The following HYLS1 variants were observed in gnomAD, a reference collection of about 807,000 sequenced individuals.
HYLS1 encodes the protein centriolar and ciliogenesis-associated protein HYLS1.
HYLS1 carries 25 observed loss-of-function variants against 29.4 expected under a neutral mutation model. The ratio of observed to expected loss-of-function variants is 0.85; its 90% CI spans 0.62 to 1.19. The LOEUF is 1.19. Ranked by LOEUF, HYLS1 falls within the 50% of genes most tolerant of loss-of-function variation. HYLS1 has a pLI of 0.00. For missense variants in HYLS1, 352 were observed against 365.1 expected (o/e 0.96, Z 0.29); for synonymous variants, 128 against 126.7 (o/e 1.01, Z -0.07).
At chr11:125,885,138 A>G (rs1944283795), upstream of HYLS1, among the ~76,000 whole-genome samples, 1 of 152,194 alleles carries the variant, frequency 6.6e-6, no homozygotes, top group Non-Finnish European at 1.5e-5. Flanking sequence ...AAAGATCAAA[A>G]TTTAATAAAA....
Position 125,900,448 on chromosome 11 carries a change from C to T in HYLS1, c.*180C>T. On this transcript the variant is annotated 3_prime_UTR_variant, in exon 3 of 3. Coordinates refer to ENST00000425380, the MANE Select transcript of HYLS1 (RefSeq NM_001134793.2). ...GGTATCAGATGATACTTCCAAATTG[C>T]CACTCAAATCCAGCAATTGCAAGAT... 1.6e-6 allele frequency: 1 copy of T among 610,210 alleles called. No individual in the cohort carries two copies. Among genetic ancestry groups the T allele is most frequent in the South Asian group, 2.0e-5 (1 of 49,872 alleles). The allele number at this position is 610,210 out of a possible 1,614,324, so 37.8% of individuals were successfully genotyped here. A position where few individuals can be genotyped will look rare whatever the true frequency, so the allele number is the denominator to read the frequency against.
intron 2 of HYLS1, among the ~76,000 whole-genome samples, chr11:125,898,167 A>T (rs188544670): frequency 6.6e-6 from 1 of 152,160 alleles, no homozygotes; most frequent in African/African-American, 2.4e-5. Context: ...TGAGAGTAAA[A>T]CTTGGTGGGG....
chr11:125,894,268 AG>A, intron 2 of HYLS1: 1 of 1,608,708 alleles, frequency 6.2e-7, no homozygotes, highest in Non-Finnish European at 8.5e-7. Flanking sequence ...ATAAGACTAG[AG>A]GAAATTCTAC....
intron 2 of HYLS1, chr11:125,899,132 C>G (rs769344582): frequency 5.7e-6 from 3 of 522,778 alleles, no homozygotes; most frequent in Non-Finnish European, 1.0e-5. Flanking sequence ...CAGTAGAAAG[C>G]AGGAGTAAGA....
intron 2 of HYLS1, chr11:125,895,083 G>A (rs1295202128): frequency 2.0e-6 from 1 of 511,672 alleles, no homozygotes; most frequent in Non-Finnish European, 3.3e-6. Context: ...GTCTCCCTCT[G>A]TCACCCATGC....
chr11:125,891,224 T>G (rs1384214309), intron 1 of HYLS1, among the ~76,000 whole-genome samples, 199 bp from the exon 2 acceptor site: 1 of 152,170 alleles, frequency 6.6e-6, no homozygotes, highest in Non-Finnish European at 1.5e-5. Flanking sequence ...AAAAATGTAG[T>G]CACTAAATTC....
intron 2 of HYLS1, chr11:125,893,564 G>T: frequency 7.2e-6 from 3 of 414,922 alleles, no homozygotes; most frequent in East Asian, 3.9e-5. Context: ...TCCATTTTAC[G>T]TTCTTTAATC....
At chr11:125,895,514 G>C (rs765159522) in intron 2 of HYLS1, 7 of 1,614,060 alleles carry the variant, frequency 4.3e-6, no homozygotes, top group Non-Finnish European at 5.9e-6. Flanking sequence ...AATCATGGGT[G>C]CCAACATACT....
At chr11:125,894,287 C>T in intron 2 of HYLS1, 2 of 1,589,106 alleles carry the variant, frequency 1.3e-6, no homozygotes, top group Non-Finnish European at 1.7e-6. Flanking sequence ...TACAGCCATA[C>T]TAGAGAAAAA....
In HYLS1 at chr11:125,899,595, A is replaced by C. The variant is rs1591507330; in HGVS notation, c.227A>C (p.Asn76Thr). 1 of 1,614,164 alleles carries C rather than the reference A, an allele frequency of 6.2e-7. No individual in the cohort carries two copies. Among genetic ancestry groups the C allele is most frequent in the Non-Finnish European group, 8.5e-7 (1 of 1,180,022 alleles). Residue 76 changes from asparagine (N) to threonine (T), a missense_variant, in exon 3 of 3, where the codon AAT becomes ACT. Physicochemically the swap from Asn to Thr is moderately conservative, Grantham distance 65. Transcript: ENST00000425380. Reference protein sequence around the residue: ...VQLQYPHVESNVPSETVSEAS... With the variant: ...VQLQYPHVESTVPSETVSEAS... Reference sequence around the variant, plus strand: ...CTACAGTACCCACATGTAGAAAGTAATGTCCCTTCAGAAACAGTCTCTGAG... The same window carrying C: ...CTACAGTACCCACATGTAGAAAGTACTGTCCCTTCAGAAACAGTCTCTGAG...
rs1486247209 is a variant in HYLS1, at chr11:125,891,491, A to AAC, written c.-26+20_-26+21insCA. 1.3e-5 allele frequency: 2 copies of AAC among 151,260 alleles called. No homozygotes were observed. Among genetic ancestry groups the AAC allele is most frequent in the Non-Finnish European group, 2.9e-5 (2 of 67,798 alleles). The allele number at this position is 151,260 out of a possible 1,614,324, so 9.4% of individuals were successfully genotyped here. A position where few individuals can be genotyped will look rare whatever the true frequency, so the allele number is the denominator to read the frequency against. On this transcript the variant is annotated intron_variant, in intron 2 of 2. Transcript: ENST00000425380. The stretch of plus-strand genomic sequence containing the variant: ...AAATAAGGTAAGAAATTGAAAAAAA[A>AAC]AAAAAAAAACCTTGGTTTGCACTTA...
At position 125,899,870 on chromosome 11, in the gene HYLS1, C is replaced by T. The variant is rs1353776822; in HGVS notation, c.502C>T (p.Leu168Phe). 5.0e-6 allele frequency: 8 copies of T among 1,614,092 alleles called. No individual in the cohort carries two copies. Among genetic ancestry groups the T allele is most frequent in the Non-Finnish European group, 5.9e-6 (7 of 1,180,044 alleles). The change falls in exon 3 of 3, where the codon CTC becomes TTC. Residue 168 changes from leucine (L) to phenylalanine (F), a missense_variant. Leu to Phe is a conservative substitution (Grantham distance 22, BLOSUM62 0). Transcript: ENST00000425380. The stretch of plus-strand genomic sequence containing the variant: ...ATACCAAGGAATTTCTCAAGATCAG[C>T]TCATTTGCTCTCTACAAAGAGAAGG... ...HEYQGISQDQ[L>F]ICSLQREGMG...
At chr11:125,885,285 T>C (rs1356910353), upstream of HYLS1, among the ~76,000 whole-genome samples, 1 of 152,044 alleles carries the variant, frequency 6.6e-6, no homozygotes, top group Non-Finnish European at 1.5e-5. Flanking sequence ...ACCCTGTCTC[T>C]ACTAAAAATA....
chr11:125,885,733 C>T (rs916026172), upstream of HYLS1, among the ~76,000 whole-genome samples: 9 of 152,370 alleles, frequency 5.9e-5, no homozygotes, highest in South Asian at 8.3e-4. Flanking sequence ...GGGGGTAAGC[C>T]GTAGGAGCTT....
Position 125,900,171 on chromosome 11 carries a change from C to G in HYLS1, c.803C>G (p.Thr268Arg). 1 of 1,614,170 alleles carries G rather than the reference C, an allele frequency of 6.2e-7. No homozygotes were observed. Among genetic ancestry groups the G allele is most frequent in the Non-Finnish European group, 8.5e-7 (1 of 1,180,028 alleles). ...GTCCCAAACAATTATCTAGTACCAACAGAGAAGAAAAGGTCTGCACTCCGT... is the reference window on the plus strand; with the variant it reads ...GTCCCAAACAATTATCTAGTACCAAGAGAGAAGAAAAGGTCTGCACTCCGT... The part of the protein sequence containing the change: ...IYVPNNYLVP[T>R]EKKRSALRWG... The change falls in exon 3 of 3, where the codon ACA (threonine) becomes AGA (arginine). Residue 268 changes from threonine (T) to arginine (R), a missense_variant. Physicochemically the swap from Thr to Arg is moderately conservative, Grantham distance 71. Transcript: ENST00000425380.
upstream of HYLS1, among the ~76,000 whole-genome samples, chr11:125,886,567 A>G (rs1203152177): frequency 1.9e-5 from 2 of 103,290 alleles, no homozygotes; most frequent in Non-Finnish European, 3.8e-5. Flanking sequence ...ATCCCCAAGC[A>G]CTAGATTTTT....
At chr11:125,887,508 GC>G (rs1232871896), upstream of HYLS1, 1 of 152,288 alleles carries the variant, frequency 6.6e-6, no homozygotes. Context: ...GGCGGAGAAG[GC>G]CCAGACAAAA....
chr11:125,887,313 A>G (rs1207638359), upstream of HYLS1: 2 of 152,104 alleles, frequency 1.3e-5, no homozygotes, highest in Non-Finnish European at 2.9e-5. Flanking sequence ...CGGCCTCTCC[A>G]AAAAGCCAGC....
upstream of HYLS1, among the ~76,000 whole-genome samples, chr11:125,886,794 C>T (rs879430748): frequency 6.6e-5 from 10 of 151,314 alleles, no homozygotes; most frequent in Admixed American, 1.3e-4. Context: ...GCCCGTAATC[C>T]CAGCTGCTCG....
Sources: allele counts gnomAD v4.1 joint callset (sites outside exome capture counted in the v4.1 genomes callset), GRCh38; gene constraint gnomAD v4.1.1; transcripts MANE v1.5; gene names NCBI Gene and HGNC (gene_info 2026-07-23, HGNC 2026-07-21).